MID1: variants seen among roughly 807,000 people sequenced by gnomAD.
The protein encoded by MID1 is E3 ubiquitin-protein ligase Midline-1.
MID1 carries 7 observed loss-of-function variants against 40.4 expected under a neutral mutation model. That is an observed-to-expected ratio of 0.17 (90% CI 0.10 to 0.33). The LOEUF (loss-of-function observed/expected upper bound fraction) is 0.33. MID1 is among the 10% of genes least tolerant of loss of function. The pLI, the probability that MID1 is intolerant of heterozygous loss-of-function variation, is 1.00. For synonymous variants in MID1, 229 were observed against 221.2 expected (o/e 1.04, Z -0.31); for missense variants, 367 against 558.5 (o/e 0.66, Z 3.46).
chrX:10,467,810 G>A (rs920614737), intron 7 of MID1, among the ~76,000 whole-genome samples: 2 of 111,867 alleles, frequency 1.8e-5, no homozygotes, highest in Non-Finnish European at 3.8e-5. Flanking sequence ...TTTGGAGCTA[G>A]GCCAATATAG....
At chrX:10,532,381 G>A (rs1321656693) in intron 2 of MID1, among the ~76,000 whole-genome samples, 3 of 111,170 alleles carry the variant, frequency 2.7e-5, no homozygotes, top group Non-Finnish European at 5.7e-5. Context: ...TTGGGTACAG[G>A]TCAAATTTGT....
At chrX:10,496,401 G>C (rs983535788) in intron 3 of MID1, among the ~76,000 whole-genome samples, 1 of 112,203 alleles carries the variant, frequency 8.9e-6, no homozygotes, top group African/African-American at 3.2e-5. Flanking sequence ...TTCAAGGGAG[G>C]CTTACAATTA....
At chrX:10,569,726 C>T (rs1201026981) in intron 1 of MID1, among the ~76,000 whole-genome samples, 2 of 111,360 alleles carry the variant, frequency 1.8e-5, no homozygotes, top group Non-Finnish European at 3.8e-5. Context: ...AGGATTCCAT[C>T]CCAGAGAGGT....
intron 1 of MID1, among the ~76,000 whole-genome samples, chrX:10,615,155 G>A (rs1935817741): frequency 1.8e-5 from 2 of 111,600 alleles, no homozygotes; most frequent in African/African-American, 3.3e-5. Context: ...GATACCATCA[G>A]TTTTTCAAGT....
At chrX:10,816,731 A>G (rs2044138153) in intron 1 of MID1, among the ~76,000 whole-genome samples, 1 of 112,392 alleles carries the variant, frequency 8.9e-6, no homozygotes, top group Admixed American at 9.4e-5. Context: ...ATTTCCATGT[A>G]CATGTGGGAA....
chrX:10,604,703 T>G (rs1415542886), intron 1 of MID1, among the ~76,000 whole-genome samples: 1 of 112,470 alleles, frequency 8.9e-6, no homozygotes, highest in Non-Finnish European at 1.9e-5. Flanking sequence ...AGCTAGAGTA[T>G]CTGAAAATCC....
chrX:10,459,960 C>T (rs1057144744), intron 7 of MID1, 153 bp from the exon 8 acceptor site: 12 of 586,361 alleles, frequency 2.0e-5, no homozygotes, highest in Middle Eastern at 4.3e-4. Context: ...ACTTCACTAA[C>T]GTAGATGTGG....
intron 1 of MID1, among the ~76,000 whole-genome samples, chrX:10,743,559 T>C (rs1441678193): frequency 8.9e-6 from 1 of 112,038 alleles, no homozygotes; most frequent in African/African-American, 3.2e-5. Flanking sequence ...AGCAATTGGC[T>C]GCTTATAAGA....
At chrX:10,761,732 G>C (rs1435750101) in intron 1 of MID1, among the ~76,000 whole-genome samples, 1 of 112,091 alleles carries the variant, frequency 8.9e-6, no homozygotes, top group Non-Finnish European at 1.9e-5. Context: ...CCAACACCCA[G>C]TTGATTGGTA....
intron 1 of MID1, among the ~76,000 whole-genome samples, chrX:10,739,128 G>A (rs183726670): frequency 1.8e-5 from 2 of 111,911 alleles, no homozygotes; most frequent in Admixed American, 1.9e-4. Context: ...CCTGGTGTGT[G>A]TTGAGAAGCG....
intron 1 of MID1, among the ~76,000 whole-genome samples, chrX:10,668,196 T>G (rs2042962494): frequency 1.8e-5 from 2 of 111,994 alleles, no homozygotes; most frequent in Non-Finnish European, 3.8e-5. Flanking sequence ...TTGCTTGCCA[T>G]AGTGCTATTA....
chrX:10,705,511 T>G (rs2147085425), intron 1 of MID1, among the ~76,000 whole-genome samples: 1 of 112,280 alleles, frequency 8.9e-6, no homozygotes, highest in South Asian at 3.7e-4. Flanking sequence ...AATGAGACCA[T>G]GCGCATCTTT....
At chrX:10,580,650 A>C (rs1299737090) in intron 1 of MID1, among the ~76,000 whole-genome samples, 2 of 111,675 alleles carry the variant, frequency 1.8e-5, no homozygotes, top group Admixed American at 9.5e-5. Flanking sequence ...AAAGAAGTTC[A>C]AAAAAGTAAA....
rs181834882 is a variant in MID1, at chrX:10,516,773, G to A, written c.756+6319C>T. Among the ~76,000 whole-genome samples, 71 of 109,915 alleles carry A rather than the reference G, an allele frequency of 6.5e-4. 2 individuals carry two copies. In the East Asian group the frequency reaches 0.014, roughly 22 times the overall value. On this transcript the variant is annotated intron_variant, in intron 3 of 9. Coordinates refer to ENST00000317552, the MANE Select transcript of MID1 (RefSeq NM_000381.4). ...TGGGATTACAGGCGCACACCACCAC[G>A]CCTGTCTAGTTTTTTTATTTTTTGT...
chrX:10,823,979 G>C (rs925903417), intron 1 of MID1, among the ~76,000 whole-genome samples: 1 of 111,636 alleles, frequency 9.0e-6, no homozygotes, highest in African/African-American at 3.3e-5. Flanking sequence ...TTCACAGAAG[G>C]CAGGTCATTT....
At chrX:10,506,727 G>A (rs1229996063) in intron 3 of MID1, among the ~76,000 whole-genome samples, 2 of 111,610 alleles carry the variant, frequency 1.8e-5, no homozygotes, top group Non-Finnish European at 3.8e-5. Context: ...CTCTCATGGA[G>A]GACAGAGAGA....
chrX:10,731,570 T>C (rs184404983), intron 1 of MID1, among the ~76,000 whole-genome samples: 78 of 111,639 alleles, frequency 7.0e-4, no homozygotes, highest in African/African-American at 2.5e-3. Flanking sequence ...TTAAAGCACT[T>C]CTTAGAGGGA....
At chrX:10,551,947 A>T (rs1933924439) in intron 2 of MID1, among the ~76,000 whole-genome samples, 1 of 109,799 alleles carries the variant, frequency 9.1e-6, no homozygotes, top group Admixed American at 9.7e-5. Flanking sequence ...CATGCCTGGA[A>T]TTTTTTTTTA....
chrX:10,501,998 G>C (rs1931570829), intron 3 of MID1, among the ~76,000 whole-genome samples: 1 of 112,218 alleles, frequency 8.9e-6, no homozygotes, highest in Admixed American at 9.5e-5. Context: ...ATTGGACTAG[G>C]TGTCTGTGAA....
Sources: allele counts gnomAD v4.1 joint callset (sites outside exome capture counted in the v4.1 genomes callset), GRCh38; gene constraint gnomAD v4.1.1; transcripts MANE v1.5; gene names NCBI Gene and HGNC (gene_info 2026-07-23, HGNC 2026-07-21).